The following ASAP2 variants were observed in gnomAD, a reference collection of about 807,000 sequenced individuals.
The protein encoded by ASAP2 is arf-GAP with SH3 domain, ANK repeat and PH domain-containing protein 2.
Under a neutral mutation model 131.4 loss-of-function variants are expected in ASAP2, and 45 were observed. The observed-to-expected ratio is 0.34, with a 90% CI of 0.27 to 0.44. The LOEUF (loss-of-function observed/expected upper bound fraction) is 0.44, where lower values mean the gene tolerates loss of function less well. Among genes scored for constraint, ASAP2 ranks in the 20% least tolerant of loss-of-function variants. The pLI, the probability that ASAP2 is intolerant of heterozygous loss-of-function variation, is 1.00. For missense variants in ASAP2, 1,011 were observed against 1,297.0 expected, an observed-to-expected ratio of 0.78 and a Z score of 3.39; for synonymous variants, 510 against 503.0, an observed-to-expected ratio of 1.01 and a Z score of -0.19.
intron 1 of ASAP2, among the ~76,000 whole-genome samples, chr2:9,223,931 G>C (rs144591310): frequency 6.6e-6 from 1 of 152,180 alleles, no homozygotes; most frequent in Non-Finnish European, 1.5e-5. Flanking sequence ...CAAAATCAGC[G>C]TCCTCTGATT....
intron 7 of ASAP2, among the ~76,000 whole-genome samples, chr2:9,329,689 G>A (rs371177674): frequency 2.6e-4 from 40 of 152,320 alleles, no homozygotes; most frequent in African/African-American, 9.1e-4. Flanking sequence ...TCGTGACAGC[G>A]GGAGTGGAAG....
intron 2 of ASAP2, among the ~76,000 whole-genome samples, chr2:9,280,733 T>A (rs1474119508): frequency 6.6e-6 from 1 of 152,226 alleles, no homozygotes; most frequent in Non-Finnish European, 1.5e-5. Context: ...CTAAAACTGA[T>A]ACAGAAGGTG....
intron 20 of ASAP2, among the ~76,000 whole-genome samples, chr2:9,383,845 G>A (rs1031273285): frequency 2.6e-5 from 4 of 152,186 alleles, no homozygotes; most frequent in Non-Finnish European, 5.9e-5. Flanking sequence ...AAAAAAGGAT[G>A]AGTTCATGTC....
chr2:9,359,823 C>T (rs1479934942), intron 15 of ASAP2, among the ~76,000 whole-genome samples: 1 of 152,168 alleles, frequency 6.6e-6, no homozygotes, highest in Non-Finnish European at 1.5e-5. Context: ...TCTAGGAATT[C>T]CTTTATGGTC....
intron 2 of ASAP2, among the ~76,000 whole-genome samples, chr2:9,286,449 T>G (rs367622738): frequency 7.0e-6 from 1 of 143,594 alleles, no homozygotes; most frequent in Admixed American, 6.8e-5. Flanking sequence ...AAAAAAAAAA[T>G]ATATATATAT....
chr2:9,260,203 G>C (rs752480388), intron 1 of ASAP2, among the ~76,000 whole-genome samples: 6 of 152,224 alleles, frequency 3.9e-5, no homozygotes, highest in Non-Finnish European at 8.8e-5. Context: ...CTGAGGCCCA[G>C]GTGATCAAGT....
chr2:9,212,007 G>A (rs1661594734), intron 1 of ASAP2, among the ~76,000 whole-genome samples: 1 of 152,164 alleles, frequency 6.6e-6, no homozygotes, highest in Admixed American at 6.5e-5. Context: ...TAAGGAAGCA[G>A]CCATTTTCTC....
At position 9,395,594 on chromosome 2, in the gene ASAP2, C is replaced by CTTTTTTTTTTTTTTT; in HGVS notation, c.2684+1964_2684+1978dup. Reference sequence around the variant, plus strand: ...GTTTTGTTTTTCTTGTGTTTTTTTTCTTTTTTTTTTTTTTTTTTTTTTTTT... The same window carrying CTTTTTTTTTTTTTTT: ...GTTTTGTTTTTCTTGTGTTTTTTTTCTTTTTTTTTTTTTTTTTTTTTTTTTTTTTTTTTTTTTTTT... On this transcript the variant is annotated intron_variant, in intron 24 of 27. Transcript: ENST00000281419. Among the ~76,000 whole-genome samples the CTTTTTTTTTTTTTTT allele has an allele frequency of 2.6e-3, 154 of 59,054 alleles. 24 individuals carry two copies. The highest frequency in any genetic ancestry group is 4.2e-3 in the Non-Finnish European group (115 of 27,432). 38.7% of individuals were successfully genotyped at this position (59,054 alleles called of 152,430 possible).
chr2:9,271,035 C>T (rs1666348462), intron 1 of ASAP2, among the ~76,000 whole-genome samples: 1 of 151,842 alleles, frequency 6.6e-6, no homozygotes, highest in South Asian at 2.1e-4. Context: ...CCTCGTGATC[C>T]ACCTGCCTCG....
chr2:9,357,469 A>T (rs1350975319), intron 14 of ASAP2, among the ~76,000 whole-genome samples: 1 of 152,100 alleles, frequency 6.6e-6, no homozygotes, highest in Non-Finnish European at 1.5e-5. Context: ...ACAGAACGAG[A>T]CTGTATTTAA....
At position 9,392,477 on chromosome 2, in the gene ASAP2, G is replaced by A. The variant is rs1675803973; in HGVS notation, c.2519-1005G>A. On this transcript the variant is annotated intron_variant, in intron 23 of 27. Transcript: ENST00000281419. The surrounding 1 kb of genome is among the most constrained non-coding windows in gnomAD (Gnocchi z 4.0). The stretch of plus-strand genomic sequence containing the variant: ...GTCAGTGCCATGTGTGCACATGCCG[G>A]CAGCAGAGCCGGGAGCAGTGGGTCT... Among the ~76,000 whole-genome samples the A allele has an allele frequency of 6.6e-6, 1 of 152,158 alleles. No homozygotes were observed. The highest frequency in any genetic ancestry group is 2.4e-5 in the African/African-American group (1 of 41,424).
intron 12 of ASAP2, among the ~76,000 whole-genome samples, chr2:9,353,327 G>T (rs1427207521): frequency 1.3e-5 from 2 of 152,188 alleles, no homozygotes; most frequent in Non-Finnish European, 2.9e-5. Context: ...CACTTTGGGA[G>T]GCCAAGGTGG....
chr2:9,226,578 A>G (rs2148006017), intron 1 of ASAP2, among the ~76,000 whole-genome samples: 1 of 152,282 alleles, frequency 6.6e-6, no homozygotes, highest in East Asian at 1.9e-4. Context: ...GTTGGGAGGA[A>G]GCCTCACTGA....
chr2:9,323,601 G>C (rs1484796576), intron 6 of ASAP2, among the ~76,000 whole-genome samples: 3 of 152,206 alleles, frequency 2.0e-5, no homozygotes, highest in African/African-American at 7.2e-5. Flanking sequence ...TGACTGGCTT[G>C]TGGGAGGGTG....
intron 1 of ASAP2, among the ~76,000 whole-genome samples, chr2:9,270,784 C>CTTTTTTTT (rs1666294703): frequency 2.9e-5 from 2 of 69,740 alleles, no homozygotes; most frequent in African/African-American, 5.1e-5. Context: ...CAATTGTTTT[C>CTTTTTTTT]ATTTTTTTTT....
chr2:9,365,310 C>T (rs78450765), intron 15 of ASAP2, among the ~76,000 whole-genome samples: 2,817 of 152,208 alleles, frequency 0.019, 80 homozygotes, highest in African/African-American at 0.064. Flanking sequence ...TTCGGGGATC[C>T]AAGGGGCCCA....
rs373599189 is a variant in ASAP2 at position 9,295,600 on chromosome 2, A to G, written c.200-1700A>G. Among the ~76,000 whole-genome samples, 28 of 152,322 alleles carry G rather than the reference A, an allele frequency of 1.8e-4. 1 individual carries two copies. The Middle Eastern group carries it at 0.01, about 56-fold the overall frequency. On this transcript the variant is annotated intron_variant, in intron 2 of 27. Transcript: ENST00000281419. ...GTCATACAGATATTTACAGGTGGACATAGGACTGGAACCTAGATCTTCTGA... is the reference window on the plus strand; with the variant it reads ...GTCATACAGATATTTACAGGTGGACGTAGGACTGGAACCTAGATCTTCTGA...
At chr2:9,364,936 C>T (rs1244452509) in intron 15 of ASAP2, among the ~76,000 whole-genome samples, 2 of 152,094 alleles carry the variant, frequency 1.3e-5, no homozygotes, top group African/African-American at 4.8e-5. Flanking sequence ...TTACCCAGTG[C>T]AGGATTTACA....
chr2:9,387,302 G>A (rs895917069), intron 21 of ASAP2, among the ~76,000 whole-genome samples: 1 of 151,886 alleles, frequency 6.6e-6, no homozygotes. Context: ...TAAGCTCTAC[G>A]GGCCTAAAGC....
Sources: gnomAD v4.1 joint callset for allele counts (sites outside exome capture counted in the v4.1 genomes callset) on GRCh38, gnomAD v4.1.1 for gene constraint, Gnocchi (gnomAD v3.1) non-coding constraint, MANE v1.5 for transcripts, NCBI Gene and HGNC (gene_info 2026-07-23, HGNC 2026-07-21) for gene names.